The following PTPRT variants were observed in gnomAD, a reference collection of about 807,000 sequenced individuals.
PTPRT encodes protein tyrosine phosphatase receptor type T, also known as receptor-type tyrosine-protein phosphatase T.
PTPRT carries 56 observed loss-of-function variants against 176.8 expected under a neutral mutation model. The observed-to-expected ratio is 0.32, with a 90% confidence interval of 0.26 to 0.40. PTPRT has a LOEUF of 0.40. Ranked by LOEUF, PTPRT falls within the 10% of genes least tolerant of loss-of-function variation. The probability of loss-of-function intolerance (pLI) is 1.00; values close to 1 mark genes in which losing one functional copy is unlikely to be tolerated. For synonymous variants in PTPRT, 783 were observed against 739.0 expected (o/e 1.06, Z -0.96); for missense variants, 1,540 against 1,908.2 (o/e 0.81, Z 3.60).
intron 1 of PTPRT, among the ~76,000 whole-genome samples, chr20:42,927,646 G>A (rs1456392423): frequency 2.0e-5 from 3 of 152,098 alleles, no homozygotes; most frequent in African/African-American, 7.2e-5. Context: ...TACTCATGGT[G>A]GTGTGGTAGA....
intron 11 of PTPRT, among the ~76,000 whole-genome samples, chr20:42,337,960 C>G (rs1260408354): frequency 6.6e-6 from 1 of 152,164 alleles, no homozygotes; most frequent in Non-Finnish European, 1.5e-5. Context: ...CCTTCTAAGG[C>G]TCTCCCAGCC....
At chr20:42,366,684 A>G (rs542428767) in intron 9 of PTPRT, among the ~76,000 whole-genome samples, 2 of 152,374 alleles carry the variant, frequency 1.3e-5, no homozygotes, top group Admixed American at 6.5e-5. Context: ...GCCAGTGGGC[A>G]GTGCTGTAAG....
At chr20:42,204,840 C>T (rs1002470305) in intron 15 of PTPRT, among the ~76,000 whole-genome samples, 2 of 151,952 alleles carry the variant, frequency 1.3e-5, no homozygotes, top group Non-Finnish European at 2.9e-5. Flanking sequence ...AGGAGGAGTG[C>T]GTGAAACATC....
chr20:42,288,073 T>C (rs1332426056), intron 12 of PTPRT, among the ~76,000 whole-genome samples: 1 of 151,994 alleles, frequency 6.6e-6, no homozygotes, highest in Non-Finnish European at 1.5e-5. Flanking sequence ...ACAGACTAAA[T>C]CTTAATAATT....
intron 6 of PTPRT, among the ~76,000 whole-genome samples, chr20:42,750,795 C>T (rs1437701000): frequency 2.0e-5 from 3 of 152,084 alleles, no homozygotes; most frequent in Admixed American, 6.6e-5. Flanking sequence ...AGCTAAGACA[C>T]CTTGAAATTG....
At chr20:42,852,424 T>C (rs1317927120) in intron 2 of PTPRT, among the ~76,000 whole-genome samples, 1 of 152,202 alleles carries the variant, frequency 6.6e-6, no homozygotes, top group Middle Eastern at 3.2e-3. Flanking sequence ...TATATTACAA[T>C]TTAAAAACTG....
intron 13 of PTPRT, among the ~76,000 whole-genome samples, chr20:42,276,558 T>TATATA (rs1568731969): frequency 3.3e-4 from 30 of 91,310 alleles, no homozygotes; most frequent in Non-Finnish European, 5.5e-4. Context: ...TATATATATA[T>TATATA]AATGTTCTTG....
At chr20:42,339,292 G>A (rs538691889) in intron 11 of PTPRT, among the ~76,000 whole-genome samples, 1 of 152,294 alleles carries the variant, frequency 6.6e-6, no homozygotes, top group African/African-American at 2.4e-5. Flanking sequence ...TTTGACACCA[G>A]TTATTGTCAT....
chr20:42,729,029 C>T (rs2076421401), intron 6 of PTPRT, among the ~76,000 whole-genome samples: 1 of 152,014 alleles, frequency 6.6e-6, no homozygotes, highest in African/African-American at 2.4e-5. Flanking sequence ...ACTCACAGAA[C>T]AATCCATAGA....
At chr20:42,698,275 TA>T in intron 6 of PTPRT, among the ~76,000 whole-genome samples, 1 of 152,280 alleles carries the variant, frequency 6.6e-6, no homozygotes, top group Non-Finnish European at 1.5e-5. Context: ...ATTCAAAAGC[TA>T]AAGTAACCAG....
At chr20:42,325,308 C>T (rs1600837710) in intron 11 of PTPRT, among the ~76,000 whole-genome samples, 1 of 152,242 alleles carries the variant, frequency 6.6e-6, no homozygotes, top group East Asian at 1.9e-4. Flanking sequence ...AATTAGACAC[C>T]AAAGAGTGGC....
At chr20:42,905,737 A>G (rs2079467238) in intron 1 of PTPRT, among the ~76,000 whole-genome samples, 1 of 152,236 alleles carries the variant, frequency 6.6e-6, no homozygotes, top group Admixed American at 6.5e-5. Context: ...CTATGCAGCC[A>G]TAAAAAAGGA....
Position 42,475,313 on chromosome 20 carries a change from T to G in PTPRT, c.1154-2751A>C, listed in dbSNP as rs146188777. ...GAACTTGTGTCTGCCTGACCCCACA[T>G]GTAGTGTGCAAAGTAAAAACTCTCT... On this transcript the variant is annotated intron_variant, in intron 7 of 30. Transcript: ENST00000373187. Among the ~76,000 whole-genome samples the G allele has an allele frequency of 3.6e-4, 55 of 152,278 alleles. No homozygotes were observed. In the East Asian group the frequency reaches 9.9e-3, roughly 27 times the overall value.
At chr20:42,992,559 A>C (rs529841528) in intron 1 of PTPRT, among the ~76,000 whole-genome samples, 1 of 152,338 alleles carries the variant, frequency 6.6e-6, no homozygotes, top group South Asian at 2.1e-4. Context: ...CAAGACCAAA[A>C]AACTCTTAGT....
Position 42,098,425 on chromosome 20 carries a change from G to A in PTPRT, c.3842C>T (p.Ala1281Val), listed in dbSNP as rs866502487. ...CTTGGCTTGGCCTCCTCCTACCTGGGCAGTGTCCATCTCATTCAGCATCAC... is the reference window on the plus strand; with the variant it reads ...CTTGGCTTGGCCTCCTCCTACCTGGACAGTGTCCATCTCATTCAGCATCAC... Reference protein sequence around the residue: ...SVVMLNEMDTAQFCMQYWPEK... With the variant: ...SVVMLNEMDTVQFCMQYWPEK... Residue 1281 changes from alanine to valine, a missense_variant, in exon 27 of 31, where the codon GCC becomes GTC. Physicochemically the swap from Ala to Val is moderately conservative, Grantham distance 64. Around this residue, in one of 11 missense-constraint regions of PTPRT, gnomAD observed 342 missense variants for 394.0 expected, o/e 0.87. Coordinates refer to ENST00000373187, the MANE Select transcript of PTPRT (RefSeq NM_007050.6). 1 of 1,614,052 alleles carries A rather than the reference G, an allele frequency of 6.2e-7. No homozygotes were observed. Among genetic ancestry groups the A allele is most frequent in the Non-Finnish European group, 8.5e-7 (1 of 1,179,988 alleles).
chr20:42,640,764 T>C (rs373171955), intron 7 of PTPRT, among the ~76,000 whole-genome samples: 1 of 152,138 alleles, frequency 6.6e-6, no homozygotes, highest in African/African-American at 2.4e-5. Flanking sequence ...TAAATCTACA[T>C]TGAGGATCAC....
chr20:42,611,785 A>C (rs1178998974), intron 7 of PTPRT, among the ~76,000 whole-genome samples: 2 of 152,104 alleles, frequency 1.3e-5, no homozygotes, highest in Non-Finnish European at 2.9e-5. Context: ...CATGAAATAA[A>C]CCAACATGCT....
intron 6 of PTPRT, among the ~76,000 whole-genome samples, chr20:42,751,463 GTTAAC>G (rs1569133494): frequency 6.6e-6 from 1 of 152,190 alleles, no homozygotes; most frequent in African/African-American, 2.4e-5. Context: ...AATATTAAGT[GTTAAC>G]TTGGTTGAAA....
chr20:42,762,281 T>C (rs757500273), intron 5 of PTPRT, among the ~76,000 whole-genome samples: 21 of 152,162 alleles, frequency 1.4e-4, no homozygotes, highest in Non-Finnish European at 2.6e-4. Context: ...TTAATGTGCA[T>C]CAGAATCACC....
Sources: gnomAD v4.1 joint callset for allele counts (sites outside exome capture counted in the v4.1 genomes callset) on GRCh38, gnomAD v4.1.1 for gene constraint, gnomAD v4.1.1 regional missense constraint, MANE v1.5 for transcripts, NCBI Gene and HGNC (gene_info 2026-07-23, HGNC 2026-07-21) for gene names.